The following TUBGCP5 variants were observed in gnomAD, a reference collection of about 807,000 sequenced individuals.
TUBGCP5 encodes gamma-tubulin complex component 5.
TUBGCP5 carries 98 observed loss-of-function variants against 134.7 expected under a neutral mutation model. That is an observed-to-expected ratio of 0.73 (90% CI 0.62 to 0.86). TUBGCP5 has a LOEUF of 0.86. Ranked by LOEUF, TUBGCP5 falls within the 40% of genes least tolerant of loss-of-function variation. The pLI, the probability that TUBGCP5 is intolerant of heterozygous loss-of-function variation, is 0.00. For synonymous variants in TUBGCP5, 456 were observed against 431.4 expected (o/e 1.06, Z -0.71); for missense variants, 1,150 against 1,244.8 (o/e 0.92, Z 1.15).
chr15:23,003,611 G>A (rs539948678), intron 20 of TUBGCP5, among the ~76,000 whole-genome samples: 7 of 143,108 alleles, frequency 4.9e-5, no homozygotes, highest in Admixed American at 4.3e-4. Context: ...CAATTTCTAC[G>A]AATAGGGCAC....
intron 23 of TUBGCP5, among the ~76,000 whole-genome samples, chr15:22,984,115 G>A (rs910337531): frequency 2.0e-5 from 3 of 151,728 alleles, no homozygotes; most frequent in African/African-American, 7.3e-5. Context: ...GCATGACCCT[G>A]TCTCAAAAAA....
Position 23,036,339 on chromosome 15 carries a change from A to G in TUBGCP5, c.309+558T>C, listed in dbSNP as rs200025190. On this transcript the variant is annotated intron_variant, in intron 3 of 22. Coordinates refer to ENST00000615383, the MANE Select transcript of TUBGCP5 (RefSeq NM_052903.6). ...ATTAACTGCATCCCCAGGTGACTCC[A>G]CTAGGAAGGAACATTTGGACATGCG... 1.4e-4 allele frequency among the ~76,000 whole-genome samples: 21 copies of G among 152,334 alleles called. No homozygotes were observed. In the East Asian group the frequency reaches 3.7e-3, roughly 27 times the overall value.
rs751697977 is a variant in TUBGCP5 at position 23,032,773 on chromosome 15, G to C, written c.361C>G (p.Pro121Ala). 1 of 1,597,680 alleles carries C rather than the reference G, an allele frequency of 6.3e-7. No individual in the cohort carries two copies. The highest frequency in any genetic ancestry group is 8.5e-7 in the Non-Finnish European group (1 of 1,174,070). The change falls in exon 4 of 23, where the codon CCT (proline) becomes GCT (alanine). Residue 121 changes from proline (P) to alanine (A), a missense_variant. Physicochemically the swap from Pro to Ala is conservative, Grantham distance 27. Coordinates refer to ENST00000615383, the MANE Select transcript of TUBGCP5 (RefSeq NM_052903.6). ...LSLLLCLSDS[P>A]SNSSYVETPR... ...GTCTCCACATAACTGCTGTTTGAAG[G>C]AGAGTCTGACAGACACAGAAGAAGT...
intron 15 of TUBGCP5, among the ~76,000 whole-genome samples, chr15:23,009,413 C>T (rs540039471): frequency 7.0e-4 from 107 of 151,988 alleles, no homozygotes; most frequent in African/African-American, 2.5e-3. Context: ...GGACTACAGG[C>T]GCCCGGCACC....
intron 7 of TUBGCP5, among the ~76,000 whole-genome samples, chr15:23,026,670 C>A (rs947579943): frequency 1.3e-5 from 2 of 152,158 alleles, no homozygotes; most frequent in African/African-American, 2.4e-5. Context: ...TGCTGGCTCA[C>A]GCCTGTAATT....
intron 13 of TUBGCP5, among the ~76,000 whole-genome samples, chr15:23,017,021 T>A (rs1288986290): frequency 6.8e-6 from 1 of 146,354 alleles, no homozygotes; most frequent in Non-Finnish European, 1.5e-5. Flanking sequence ...GTGAATCCTG[T>A]TGTTTGCAGC....
chr15:23,004,418 C>T (rs1489160692), intron 19 of TUBGCP5, 191 bp from the exon 20 acceptor site: 10 of 614,190 alleles, frequency 1.6e-5, no homozygotes, highest in African/African-American at 7.7e-5. Context: ...CCTAAGAGGA[C>T]GGCGGGGGCA....
intron 1 of TUBGCP5, 77 bp downstream of exon 1, chr15:23,039,321 C>T: frequency 8.1e-7 from 1 of 1,233,596 alleles, no homozygotes; most frequent in Non-Finnish European, 1.0e-6. Flanking sequence ...CAGCGCGCCC[C>T]GACCCCGGGC....
chr15:22,986,549 C>T (rs2063686809), intron 23 of TUBGCP5, among the ~76,000 whole-genome samples: 1 of 151,868 alleles, frequency 6.6e-6, no homozygotes, highest in Non-Finnish European at 1.5e-5. Flanking sequence ...CCAGCCTGAC[C>T]AACATGGCGA....
At chr15:22,987,893 C>A in intron 23 of TUBGCP5, among the ~76,000 whole-genome samples, 1 of 79,954 alleles carries the variant, frequency 1.3e-5, no homozygotes, top group East Asian at 3.9e-4. Context: ...GAGACTCCAT[C>A]TCAAAAAAAA....
intron 11 of TUBGCP5, among the ~76,000 whole-genome samples, chr15:23,021,273 G>C (rs1486905106): frequency 6.6e-6 from 1 of 152,000 alleles, no homozygotes; most frequent in East Asian, 1.9e-4. Flanking sequence ...GCATGGCCTA[G>C]ATTTGTATTT....
At chr15:22,994,982 G>A (rs2064001653), downstream of TUBGCP5, among the ~76,000 whole-genome samples, 1 of 152,140 alleles carries the variant, frequency 6.6e-6, no homozygotes, top group Non-Finnish European at 1.5e-5. Flanking sequence ...AGTGGCTCAT[G>A]CCTGTAATCC....
downstream of TUBGCP5, among the ~76,000 whole-genome samples, chr15:22,996,113 G>C (rs935492753): frequency 6.6e-6 from 1 of 152,160 alleles, no homozygotes; most frequent in African/African-American, 2.4e-5. Context: ...ATTCCTCTTG[G>C]ATAAATACCT....
At chr15:23,019,743 G>A (rs1378910619) in intron 11 of TUBGCP5, among the ~76,000 whole-genome samples, 3 of 151,708 alleles carry the variant, frequency 2.0e-5, no homozygotes, top group Non-Finnish European at 4.4e-5. Flanking sequence ...GCTGCAATGA[G>A]CCAAGATCGT....
At position 23,036,934 on chromosome 15, in the gene TUBGCP5, A is replaced by G; in HGVS notation, c.272T>C (p.Phe91Ser). The part of the protein sequence containing the change: ...AASWKRLTEE[F>S]LNAPLPSIKE... ...TATACTGGGAAGTGGTGCATTTAGA[A>G]ATTCCTCCGTTAATCTCTTCCAACT... Residue 91 changes from phenylalanine (F) to serine (S), a missense_variant, in exon 3 of 23, where the codon TTT (phenylalanine) becomes TCT (serine). Phe to Ser is a radical substitution (Grantham distance 155, BLOSUM62 -2). This residue lies in a region of TUBGCP5 where 453 missense variants were observed against 394.7 expected (regional missense o/e 1.15). Transcript: ENST00000615383. 6.2e-7 allele frequency: 1 copy of G among 1,612,610 alleles called. No individual in the cohort carries two copies. The highest frequency in any genetic ancestry group is 8.5e-7 in the Non-Finnish European group (1 of 1,179,162).
At chr15:23,008,315 G>A (rs2064841702) in intron 16 of TUBGCP5, 1 of 230,934 alleles carries the variant, frequency 4.3e-6, no homozygotes, top group Middle Eastern at 1.6e-3. Flanking sequence ...CGCCCAGGCT[G>A]GAGTGCAGTG....
rs1355625047 is a variant in TUBGCP5, at chr15:22,993,557, T to A, written c.*61+3288A>T. 5.7e-3 allele frequency among the ~76,000 whole-genome samples: 706 copies of A among 123,276 alleles called. 10 individuals carry two copies. The highest frequency in any genetic ancestry group is 0.023 in the African/African-American group (652 of 27,752). The allele number at this position is 123,276 out of a possible 152,430, so 80.9% of individuals were successfully genotyped here. On this transcript the variant is annotated intron_variant and NMD_transcript_variant, in intron 23 of 23. Transcript: ENST00000614508. The stretch of plus-strand genomic sequence containing the variant: ...TTTTTTTTTTTTTTTTTTTTTTTTT[T>A]AATATGAGACGGAGTCTCGCTCTGT...
At chr15:23,030,808 A>AACTGATCTC in intron 6 of TUBGCP5, 77 bp downstream of exon 6, 1 of 1,556,142 alleles carries the variant, frequency 6.4e-7, no homozygotes, top group East Asian at 2.3e-5. Context: ...GATTACATGG[A>AACTGATCTC]ACTGATCTCA....
chr15:23,003,637 T>G (rs1019974292), intron 20 of TUBGCP5, among the ~76,000 whole-genome samples: 43 of 90,374 alleles, frequency 4.8e-4, no homozygotes, highest in Middle Eastern at 4.7e-3. Flanking sequence ...CTTCTGTTTT[T>G]TTTTTTTTTT....
Sources: allele counts gnomAD v4.1 joint callset (sites outside exome capture counted in the v4.1 genomes callset), GRCh38; gene constraint gnomAD v4.1.1; regional missense constraint gnomAD v4.1.1; transcripts MANE v1.5; gene names NCBI Gene and HGNC (gene_info 2026-07-23, HGNC 2026-07-21).